Variants in SCML4 observed in about 807,000 individuals in gnomAD.
SCML4 encodes Scm polycomb group protein like 4.
Under a neutral mutation model 41.1 loss-of-function variants are expected in SCML4, and 34 were observed. The observed-to-expected ratio is 0.83, with a 90% CI of 0.63 to 1.10. The LOEUF (loss-of-function observed/expected upper bound fraction) is 1.10. Ranked by LOEUF, SCML4 falls within the 50% of genes least tolerant of loss-of-function variation. The pLI, the probability that SCML4 is intolerant of heterozygous loss-of-function variation, is 0.00. For synonymous variants in SCML4, 214 were observed against 220.9 expected, an observed-to-expected ratio of 0.97 and a Z score of 0.28; for missense variants, 522 against 534.1, an observed-to-expected ratio of 0.98 and a Z score of 0.22.
At chr6:107,831,743 A>G in the SCML4 span, among the ~76,000 whole-genome samples, 1 of 152,152 alleles carries the variant, frequency 6.6e-6, no homozygotes, top group Non-Finnish European at 1.5e-5. Flanking sequence ...AAGTGGCAAA[A>G]CCCATCTCTA....
intron 2 of SCML4, among the ~76,000 whole-genome samples, chr6:107,771,131 A>G (rs1441169954): frequency 3.9e-5 from 6 of 152,208 alleles, no homozygotes; most frequent in African/African-American, 1.4e-4. Context: ...AACTTTGAGG[A>G]GCCTTCCTCC....
At chr6:107,789,397 G>A in intron 1 of SCML4, among the ~76,000 whole-genome samples, 1 of 152,130 alleles carries the variant, frequency 6.6e-6, no homozygotes, top group East Asian at 1.9e-4. Context: ...AGCCCATCCT[G>A]CCTCCCCACT....
intron 4 of SCML4, 159 bp downstream of exon 4, chr6:107,746,530 T>C: frequency 1.6e-6 from 1 of 611,128 alleles, no homozygotes; most frequent in Non-Finnish European, 2.9e-6. Flanking sequence ...CCCTGAGCCC[T>C]GAGAGAGGCT....
chr6:107,828,125 G>T (rs952940878), upstream of SCML4, among the ~76,000 whole-genome samples: 4 of 152,120 alleles, frequency 2.6e-5, no homozygotes, highest in Admixed American at 1.3e-4. Context: ...TGAGACTTAG[G>T]GATGTTAAAT....
the SCML4 span, among the ~76,000 whole-genome samples, chr6:107,835,178 T>C: frequency 6.6e-6 from 1 of 151,758 alleles, no homozygotes; most frequent in East Asian, 1.9e-4. Flanking sequence ...TTGGATAACA[T>C]AGTGAAACCC....
At chr6:107,804,080 A>G (rs576352159) in intron 1 of SCML4, among the ~76,000 whole-genome samples, 2 of 150,460 alleles carry the variant, frequency 1.3e-5, no homozygotes, top group Admixed American at 1.3e-4. Context: ...AAAAAAAAAA[A>G]AAGAGCATTG....
At chr6:107,749,194 A>T (rs1274405943) in intron 3 of SCML4, among the ~76,000 whole-genome samples, 1 of 152,010 alleles carries the variant, frequency 6.6e-6, no homozygotes, top group Non-Finnish European at 1.5e-5. Context: ...TTATGATGAA[A>T]CTGTCAGTTG....
chr6:107,792,891 T>G (rs1007048691), intron 1 of SCML4, among the ~76,000 whole-genome samples: 1 of 152,166 alleles, frequency 6.6e-6, no homozygotes, highest in Non-Finnish European at 1.5e-5. Context: ...CTAATGGGAA[T>G]ATAGATTGTA....
chr6:107,755,135 G>A (rs1324644893), intron 2 of SCML4, among the ~76,000 whole-genome samples: 1 of 151,922 alleles, frequency 6.6e-6, no homozygotes, highest in Non-Finnish European at 1.5e-5. Context: ...AGAGGAATCT[G>A]TTCACTGAAC....
At chr6:107,724,949 CA>C (rs1775805996) in intron 5 of SCML4, among the ~76,000 whole-genome samples, 1 of 152,136 alleles carries the variant, frequency 6.6e-6, no homozygotes, top group Non-Finnish European at 1.5e-5. Flanking sequence ...CACAGAAAGA[CA>C]AATATCACAT....
chr6:107,756,842 A>T (rs749593619), intron 2 of SCML4, among the ~76,000 whole-genome samples: 15 of 152,204 alleles, frequency 9.9e-5, no homozygotes, highest in Non-Finnish European at 1.8e-4. Flanking sequence ...AGGAGAGAAG[A>T]GAGGCCTCTT....
intron 5 of SCML4, among the ~76,000 whole-genome samples, chr6:107,734,631 A>G (rs1776877900): frequency 6.6e-6 from 1 of 152,214 alleles, no homozygotes; most frequent in African/African-American, 2.4e-5. Context: ...ATTTTAAAAT[A>G]TGTACAGATA....
In SCML4 at chr6:107,717,143, CAAAAAAAA is replaced by C. The variant is rs546258538; in HGVS notation, c.973+3552_973+3559del. On this transcript the variant is annotated intron_variant, in intron 6 of 7. Transcript: ENST00000369020. ...TGAAACCCCGTCTCTACTAAAAATACAAAAAAAAAAAAAAAAAAAAAAAAAAAAAAGCC... is the reference window on the plus strand; with the variant it reads ...TGAAACCCCGTCTCTACTAAAAATACAAAAAAAAAAAAAAAAAAAAAAGCC... Among the ~76,000 whole-genome samples the C allele has an allele frequency of 1.4e-3, 87 of 63,540 alleles. 2 individuals carry two copies. The highest frequency in any genetic ancestry group is 4.7e-3 in the African/African-American group (60 of 12,686). The allele number at this position is 63,540 out of a possible 152,430, so 41.7% of individuals were successfully genotyped here. A position where few individuals can be genotyped will look rare whatever the true frequency, so the allele number is the denominator to read the frequency against.
At chr6:107,806,743 T>C (rs1273316931) in intron 1 of SCML4, among the ~76,000 whole-genome samples, 2 of 152,158 alleles carry the variant, frequency 1.3e-5, no homozygotes, top group Non-Finnish European at 2.9e-5. Context: ...CCAGGACTCA[T>C]GGTGAAAGAG....
chr6:107,744,493 T>C (rs184547224), intron 5 of SCML4, among the ~76,000 whole-genome samples: 1 of 152,288 alleles, frequency 6.6e-6, no homozygotes, highest in Non-Finnish European at 1.5e-5. Flanking sequence ...TTAATTCACA[T>C]GGGTAGGTGT....
At chr6:107,716,592 G>A (rs1387131970) in intron 6 of SCML4, among the ~76,000 whole-genome samples, 1 of 152,132 alleles carries the variant, frequency 6.6e-6, no homozygotes, top group African/African-American at 2.4e-5. Flanking sequence ...TCACAAAGCT[G>A]AGGGTCTGTT....
chr6:107,824,171 G>A lies in SCML4; in HGVS notation c.-105C>T, dbSNP rs1047812893. 4.6e-5 allele frequency: 7 copies of A among 152,318 alleles called. No homozygotes were observed. Among genetic ancestry groups the A allele is most frequent in the Admixed American group, 4.6e-4 (7 of 15,300 alleles). 9.4% of individuals were successfully genotyped at this position (152,318 alleles called of 1,614,324 possible). On this transcript the variant is annotated 5_prime_UTR_variant, in exon 1 of 8. Coordinates refer to ENST00000369020, the MANE Select transcript of SCML4 (RefSeq NM_198081.5). ...CCCTGAGCAGGTTGTTTACCAGGTCGGGAGTGTTGACTCAGAAGACAGATG... is the reference window on the plus strand; with the variant it reads ...CCCTGAGCAGGTTGTTTACCAGGTCAGGAGTGTTGACTCAGAAGACAGATG...
In SCML4 at chr6:107,707,980, GGCATCCTGC is replaced by G. The variant is rs1421194403; in HGVS notation, c.996_1004del (p.Gln333_Ala335del). On this transcript the variant is annotated inframe_deletion, in exon 7 of 8. Transcript: ENST00000369020. ...AGGGGTTCCTGCTCCGTGGCCGCCT[GGCATCCTGC>G]GCATCCTGAGAAGGGCTTGAGGCTG... 2 of 1,551,358 alleles carry G rather than the reference GGCATCCTGC, an allele frequency of 1.3e-6. No individual in the cohort carries two copies. The highest frequency in any genetic ancestry group is 3.9e-5 in the Admixed American group (2 of 51,006).
chr6:107,823,778 T>G (rs1314367395), intron 1 of SCML4, among the ~76,000 whole-genome samples: 1 of 152,118 alleles, frequency 6.6e-6, no homozygotes. Flanking sequence ...AAAAAATAAC[T>G]AACCGGTTAC....
Sources: allele counts gnomAD v4.1 joint callset (sites outside exome capture counted in the v4.1 genomes callset), GRCh38; gene constraint gnomAD v4.1.1; transcripts MANE v1.5; gene names NCBI Gene and HGNC (gene_info 2026-07-23, HGNC 2026-07-21).